JAKMIP3: variants seen among roughly 807,000 people sequenced by gnomAD.
JAKMIP3 encodes the protein Janus kinase and microtubule interacting protein 3.
A neutral mutation model predicts 118.5 loss-of-function variants in JAKMIP3; 58 were observed. That is an observed-to-expected ratio of 0.49 (90% CI 0.40 to 0.61). The LOEUF is 0.61. Among genes scored for constraint, JAKMIP3 ranks in the 20% least tolerant of loss-of-function variants. JAKMIP3 has a pLI of 0.00. For missense variants in JAKMIP3, 950 were observed against 1,109.0 expected, an observed-to-expected ratio of 0.86 and a Z score of 2.04; for synonymous variants, 486 against 451.2, an observed-to-expected ratio of 1.08 and a Z score of -0.98.
intron 14 of JAKMIP3, among the ~76,000 whole-genome samples, 169 bp from the exon 15 acceptor site, chr10:132,149,243 T>C (rs889887637): frequency 6.6e-5 from 10 of 152,034 alleles, no homozygotes; most frequent in Non-Finnish European, 1.3e-4. Context: ...CAGGTCCAGG[T>C]CCAGTGCAGA....
At chr10:132,163,176 G>A (rs537673945) in intron 19 of JAKMIP3, 33 bp from the exon 20 acceptor site, 52 of 1,537,052 alleles carry the variant, frequency 3.4e-5, no homozygotes, top group Middle Eastern at 2.1e-4. Flanking sequence ...TGGGGAGAAG[G>A]CAAGGACTAA....
chr10:132,170,436 G>A (rs1346636964), intron 23 of JAKMIP3, among the ~76,000 whole-genome samples: 2 of 152,152 alleles, frequency 1.3e-5, no homozygotes, highest in Non-Finnish European at 2.9e-5. Context: ...GGGGCAGGTG[G>A]ACCATCCAGG....
At position 132,184,236 on chromosome 10, in the gene JAKMIP3, A is replaced by G. The variant is rs1565030386; in HGVS notation, c.*2983A>G. ...CCAGATTTTGAGCTGGAGAAGGACT[A>G]TGGCTGTTCCTTAAAGTCTCTGCCC... is the stretch of plus-strand genomic sequence containing the variant. On this transcript the variant is annotated 3_prime_UTR_variant, in exon 24 of 24. Transcript: ENST00000684848. The G allele has an allele frequency of 6.6e-6, 1 of 152,264 alleles. No homozygotes were observed. The highest frequency in any genetic ancestry group is 1.5e-5 in the Non-Finnish European group (1 of 68,048). The allele number at this position is 152,264 out of a possible 1,614,324, so 9.4% of individuals were successfully genotyped here.
At chr10:132,076,366 A>G (rs1004151875) in intron 1 of JAKMIP3, among the ~76,000 whole-genome samples, 1 of 152,246 alleles carries the variant, frequency 6.6e-6, no homozygotes, top group African/African-American at 2.4e-5. Context: ...CTGGAATAAT[A>G]TCCTATCACG....
At chr10:132,091,938 C>T (rs1254988990) in intron 1 of JAKMIP3, among the ~76,000 whole-genome samples, 2 of 152,146 alleles carry the variant, frequency 1.3e-5, no homozygotes, top group Non-Finnish European at 2.9e-5. Context: ...TTTAGTGTTT[C>T]CTTCAGGAGC....
chr10:132,113,413 C>T (rs1332178091), intron 2 of JAKMIP3, among the ~76,000 whole-genome samples: 1 of 152,172 alleles, frequency 6.6e-6, no homozygotes, highest in East Asian at 1.9e-4. Flanking sequence ...TTAGAAAAAG[C>T]GGAATCCAGC....
chr10:132,119,848 C>T (rs900994747), intron 3 of JAKMIP3, among the ~76,000 whole-genome samples: 1 of 152,212 alleles, frequency 6.6e-6, no homozygotes, highest in African/African-American at 2.4e-5. Flanking sequence ...ATTTTATTAA[C>T]TCATTAATTG....
rs1471906727 is a variant in JAKMIP3 at position 132,180,618 on chromosome 10, TGTGTGTGC to T, written c.*1104-1727_*1104-1720del. ...GTGTGCGTGCGCGTGTGTGTGTGCG[TGTGTGTGC>T]GTGTGTGCGTGCGTGTGTGCGTGTG... is the stretch of plus-strand genomic sequence containing the variant. On this transcript the variant is annotated intron_variant, in intron 23 of 23. Transcript: ENST00000684848. 3.6e-3 allele frequency among the ~76,000 whole-genome samples: 88 copies of T among 24,204 alleles called. 29 individuals carry two copies. Among genetic ancestry groups the T allele is most frequent in the African/African-American group, 4.7e-3 (23 of 4,880 alleles). The allele number at this position is 24,204 out of a possible 152,430, so 15.9% of individuals were successfully genotyped here.
At chr10:132,146,129 GCCCCCA>G (rs1170830974) in intron 13 of JAKMIP3, among the ~76,000 whole-genome samples, 3 of 100,018 alleles carry the variant, frequency 3.0e-5, no homozygotes, top group Admixed American at 1.0e-4. Context: ...GTGCTGCCCC[GCCCCCA>G]CCCCCACCCC....
chr10:132,039,394 T>TC (rs1039436995), intron 1 of JAKMIP3, among the ~76,000 whole-genome samples: 1 of 126,290 alleles, frequency 7.9e-6, no homozygotes, highest in African/African-American at 3.0e-5. Context: ...GGTTTTGACA[T>TC]CCCCCCATAC....
chr10:132,184,454 T>C lies in JAKMIP3; in HGVS notation c.*3201T>C, dbSNP rs907176545. 2.6e-5 allele frequency: 4 copies of C among 152,250 alleles called. No individual in the cohort carries two copies. The highest frequency in any genetic ancestry group is 5.9e-5 in the Non-Finnish European group (4 of 68,042). 9.4% of individuals were successfully genotyped at this position (152,250 alleles called of 1,614,324 possible). ...TTTATCACAGTAATGGAATTCAGTT[T>C]AGCCTCAGGAAACTCATATTGTGAA... On this transcript the variant is annotated 3_prime_UTR_variant, in exon 24 of 24. Coordinates refer to ENST00000684848, the MANE Select transcript of JAKMIP3 (RefSeq NM_001323087.2).
intron 3 of JAKMIP3, among the ~76,000 whole-genome samples, chr10:132,131,688 G>A (rs2050649353): frequency 6.6e-6 from 1 of 152,110 alleles, no homozygotes; most frequent in South Asian, 2.1e-4. Context: ...GATGCTGGCA[G>A]TGGGGTGATG....
At chr10:132,151,908 C>T (rs376988308) in intron 16 of JAKMIP3, among the ~76,000 whole-genome samples, 6 of 152,360 alleles carry the variant, frequency 3.9e-5, no homozygotes, top group East Asian at 3.9e-4. Context: ...AGTGGGCTGA[C>T]AGTGGCCCTT....
upstream of JAKMIP3, among the ~76,000 whole-genome samples, chr10:132,065,241 G>A (rs1346659319): frequency 6.6e-6 from 1 of 152,058 alleles, no homozygotes; most frequent in Non-Finnish European, 1.5e-5. The surrounding 1 kb of genome is among the most constrained non-coding windows in gnomAD (Gnocchi z 5.6). Context: ...GCTGTCACAC[G>A]GCTTTTCCGG....
At chr10:132,082,044 C>T (rs920837279) in intron 1 of JAKMIP3, among the ~76,000 whole-genome samples, 12 of 151,348 alleles carry the variant, frequency 7.9e-5, no homozygotes, top group Middle Eastern at 3.2e-3. Context: ...CATTGTGAGT[C>T]CCAGGTCTCT....
intron 20 of JAKMIP3, 146 bp downstream of exon 20, chr10:132,163,558 T>A (rs534426259): frequency 2.0e-5 from 14 of 700,038 alleles, no homozygotes; most frequent in African/African-American, 5.3e-5. Flanking sequence ...TAACACACAC[T>A]CTGATGGCTA....
intron 5 of JAKMIP3, among the ~76,000 whole-genome samples, 178 bp from the exon 6 acceptor site, chr10:132,135,752 A>T (rs947175453): frequency 6.6e-6 from 1 of 151,774 alleles, no homozygotes. Flanking sequence ...TGCTCTGGGC[A>T]AGTGGGTTCA....
intron 4 of JAKMIP3, among the ~76,000 whole-genome samples, chr10:132,133,978 A>AT (rs2051190617): frequency 6.6e-6 from 1 of 152,092 alleles, no homozygotes. Flanking sequence ...CTCAAGGGTG[A>AT]TTTCCGGCAC....
At chr10:132,134,541 C>G (rs2051321544) in intron 4 of JAKMIP3, among the ~76,000 whole-genome samples, 1 of 152,180 alleles carries the variant, frequency 6.6e-6, no homozygotes, top group Non-Finnish European at 1.5e-5. Context: ...CAGGTCACCT[C>G]TTTTGGAAGT....
Sources: allele counts gnomAD v4.1 joint callset (sites outside exome capture counted in the v4.1 genomes callset), GRCh38; gene constraint gnomAD v4.1.1; non-coding constraint Gnocchi (gnomAD v3.1); transcripts MANE v1.5; gene names NCBI Gene and HGNC (gene_info 2026-07-23, HGNC 2026-07-21).